The following CUEDC1 variants were observed in gnomAD, a reference collection of about 807,000 sequenced individuals.
CUEDC1 encodes the protein CUE domain-containing protein 1.
A neutral mutation model predicts 43.7 loss-of-function variants in CUEDC1; 30 were observed. The observed-to-expected ratio is 0.69, with a 90% CI of 0.51 to 0.93. The LOEUF is 0.93. Among genes scored for constraint, CUEDC1 ranks in the 40% least tolerant of loss-of-function variants. The pLI, the probability that CUEDC1 is intolerant of heterozygous loss-of-function variation, is 0.00. For synonymous variants in CUEDC1, 223 were observed against 223.6 expected (o/e 1.00, Z 0.02); for missense variants, 486 against 549.0 (o/e 0.89, Z 1.15).
chr17:57,952,929 C>A (rs930479055), intron 1 of CUEDC1, among the ~76,000 whole-genome samples: 2 of 152,088 alleles, frequency 1.3e-5, no homozygotes, highest in Admixed American at 1.3e-4. Context: ...CAGCCCAGGA[C>A]CCAGTGAGCC....
intron 1 of CUEDC1, among the ~76,000 whole-genome samples, chr17:57,926,902 G>A (rs906601094): frequency 1.3e-5 from 2 of 152,138 alleles, no homozygotes; most frequent in African/African-American, 2.4e-5. Flanking sequence ...GGACCAAAGC[G>A]GGAAAGGAAT....
In CUEDC1 at chr17:57,867,038, C is replaced by T. The variant is rs751873869; in HGVS notation, c.1093+319G>A. The T allele has an allele frequency of 2.9e-4, 130 of 455,640 alleles. 1 individual carries two copies. Among genetic ancestry groups the T allele is most frequent in the Non-Finnish European group, 4.1e-4 (102 of 247,010 alleles). The allele number at this position is 455,640 out of a possible 1,614,324, so 28.2% of individuals were successfully genotyped here. On this transcript the variant is annotated intron_variant, in intron 9 of 10. Transcript: ENST00000577830. Reference sequence around the variant, plus strand: ...GCTGCCCAGTGCTTGGTTCTCAGGCCGAGGGTCCCCCATGGGGGCAGGCCT... The same window carrying T: ...GCTGCCCAGTGCTTGGTTCTCAGGCTGAGGGTCCCCCATGGGGGCAGGCCT...
intron 1 of CUEDC1, among the ~76,000 whole-genome samples, chr17:57,938,567 T>C (rs2074883313): frequency 1.3e-5 from 2 of 152,260 alleles, no homozygotes; most frequent in Non-Finnish European, 1.5e-5. Context: ...TCAGTGTTCT[T>C]ACAGACATTA....
At chr17:57,901,990 A>G (rs2074476849) in intron 1 of CUEDC1, among the ~76,000 whole-genome samples, 1 of 152,176 alleles carries the variant, frequency 6.6e-6, no homozygotes, top group South Asian at 2.1e-4. Flanking sequence ...CCTGGACAAC[A>G]TGGTGAAACC....
chr17:57,935,573 G>A (rs1290769404), intron 1 of CUEDC1, among the ~76,000 whole-genome samples: 3 of 152,072 alleles, frequency 2.0e-5, no homozygotes, highest in African/African-American at 7.2e-5. Flanking sequence ...AGCCAGGCCC[G>A]CCCCATCCCC....
chr17:57,918,003 G>A (rs2074661333), intron 1 of CUEDC1, among the ~76,000 whole-genome samples: 1 of 151,318 alleles, frequency 6.6e-6, no homozygotes, highest in Non-Finnish European at 1.5e-5. Context: ...CATCGTTAGA[G>A]TGTGAGCCCC....
rs557897595 is a variant in CUEDC1 at position 57,938,252 on chromosome 17, T to C, written c.-316+16973A>G. ...ACACAGTTTCAAGTGTAGAAGCATC[T>C]GTATTTACGCAGGTGATAAATACAC... On this transcript the variant is annotated intron_variant, in intron 1 of 10. Coordinates refer to ENST00000577830, the MANE Select transcript of CUEDC1 (RefSeq NM_001271875.2). 3.9e-4 allele frequency among the ~76,000 whole-genome samples: 59 copies of C among 152,352 alleles called. 1 individual carries two copies. The highest frequency in any genetic ancestry group is 1.4e-3 in the African/African-American group (59 of 41,572).
At chr17:57,945,332 CT>C (rs1402471624) in intron 1 of CUEDC1, among the ~76,000 whole-genome samples, 14 of 152,312 alleles carry the variant, frequency 9.2e-5, no homozygotes, top group African/African-American at 3.4e-4. Flanking sequence ...TTCAGGAAAC[CT>C]TTAAACACTA....
At chr17:57,900,211 G>T (rs144444146) in intron 1 of CUEDC1, among the ~76,000 whole-genome samples, 3 of 152,306 alleles carry the variant, frequency 2.0e-5, no homozygotes, top group African/African-American at 7.2e-5. Context: ...TTCGCCTCCC[G>T]AGGGCCTCAA....
chr17:57,927,109 A>G (rs1598014400), intron 1 of CUEDC1, among the ~76,000 whole-genome samples: 1 of 152,180 alleles, frequency 6.6e-6, no homozygotes, highest in Non-Finnish European at 1.5e-5. Flanking sequence ...GTGGGGGCCA[A>G]TGTTTAGAAT....
intron 1 of CUEDC1, among the ~76,000 whole-genome samples, chr17:57,950,976 C>T (rs1330186871): frequency 3.3e-5 from 5 of 152,140 alleles, no homozygotes; most frequent in African/African-American, 9.7e-5. Flanking sequence ...GTTGGTTCCA[C>T]AGCAGGGCTA....
Position 57,866,514 on chromosome 17 carries a change from G to A in CUEDC1, c.1124C>T (p.Ala375Val). 6.2e-7 allele frequency: 1 copy of A among 1,614,204 alleles called. No homozygotes were observed. The highest frequency in any genetic ancestry group is 1.1e-5 in the South Asian group (1 of 91,084). Residue 375 changes from alanine (A) to valine (V), a missense_variant, in exon 10 of 11, where the codon GCA (alanine) becomes GTA (valine). By Grantham distance (64) the Ala-to-Val change is moderately conservative. Transcript: ENST00000577830. Reference sequence around the variant, plus strand: ...TCGCAGGCCTTCCTCCACCTTGGGTGCCTCCTGACGCCTGCCCCGGAAGTC... The same window carrying A: ...TCGCAGGCCTTCCTCCACCTTGGGTACCTCCTGACGCCTGCCCCGGAAGTC... The part of the protein sequence containing the change: ...DEDFRGRRQE[A>V]PKVEEGLREG...
At position 57,888,274 on chromosome 17, in the gene CUEDC1, T is replaced by C. The variant is rs199902451; in HGVS notation, c.-315-2395A>G. 7.2e-5 allele frequency among the ~76,000 whole-genome samples: 11 copies of C among 152,352 alleles called. No homozygotes were observed. The East Asian group carries it at 1.5e-3, about 21-fold the overall frequency. On this transcript the variant is annotated intron_variant, in intron 1 of 10. Transcript: ENST00000577830. ...AAATGTAATCAAACCATAAATCCTATGCAACTAGTTTTTTCCACATAATAA... is the reference window on the plus strand; with the variant it reads ...AAATGTAATCAAACCATAAATCCTACGCAACTAGTTTTTTCCACATAATAA...
chr17:57,869,196 G>C lies in CUEDC1; in HGVS notation c.869-3C>G. ...AGCGGGGTTGGCGTCGCCAGTTCCT[G>C]GAAGGAGACACCTGCTGAAGGCCGG... On this transcript the variant is annotated splice_polypyrimidine_tract_variant and splice_region_variant and intron_variant, in intron 6 of 10. Coordinates refer to ENST00000577830, the MANE Select transcript of CUEDC1 (RefSeq NM_001271875.2). The C allele has an allele frequency of 6.2e-7, 1 of 1,613,550 alleles. No homozygotes were observed. Among genetic ancestry groups the C allele is most frequent in the Non-Finnish European group, 8.5e-7 (1 of 1,179,772 alleles).
chr17:57,937,644 C>T lies in CUEDC1; in HGVS notation c.-316+17581G>A, dbSNP rs1251762253. On this transcript the variant is annotated intron_variant, in intron 1 of 10. Coordinates refer to ENST00000577830, the MANE Select transcript of CUEDC1 (RefSeq NM_001271875.2). ...AAAACAGAAAAAGAAAAAAATCTGC[C>T]TAGAGGCTGGGCACAGTGGCTCCTG... is the stretch of plus-strand genomic sequence containing the variant. Among the ~76,000 whole-genome samples, 5 of 151,764 alleles carry T rather than the reference C, an allele frequency of 3.3e-5. No individual in the cohort carries two copies. In the East Asian group the frequency reaches 9.7e-4, roughly 29 times the overall value.
chr17:57,948,919 T>C (rs926108405), intron 1 of CUEDC1, among the ~76,000 whole-genome samples: 4 of 152,164 alleles, frequency 2.6e-5, no homozygotes, highest in African/African-American at 9.7e-5. Context: ...CTGCAGGCAT[T>C]ACAAGAGGTG....
chr17:57,881,471 C>T lies in CUEDC1; in HGVS notation c.337-1733G>A, dbSNP rs183134651. On this transcript the variant is annotated intron_variant, in intron 2 of 10. Coordinates refer to ENST00000577830, the MANE Select transcript of CUEDC1 (RefSeq NM_001271875.2). ...CTGGTGCCTGGCACAGGACAGTGACCCAGCAGGTACCTGGTGCATTCTGAG... is the reference window on the plus strand; with the variant it reads ...CTGGTGCCTGGCACAGGACAGTGACTCAGCAGGTACCTGGTGCATTCTGAG... 4.2e-3 allele frequency among the ~76,000 whole-genome samples: 633 copies of T among 152,334 alleles called. 3 individuals carry two copies. The highest frequency in any genetic ancestry group is 0.015 in the African/African-American group (611 of 41,566).
At chr17:57,926,223 A>G (rs1239308303) in intron 1 of CUEDC1, among the ~76,000 whole-genome samples, 1 of 152,204 alleles carries the variant, frequency 6.6e-6, no homozygotes, top group African/African-American at 2.4e-5. Flanking sequence ...TGCCACTCAT[A>G]GCAAGGAGCT....
intron 1 of CUEDC1, among the ~76,000 whole-genome samples, chr17:57,944,232 C>T (rs1248557829): frequency 2.8e-4 from 39 of 136,880 alleles, no homozygotes; most frequent in African/African-American, 8.7e-4. Flanking sequence ...TTTTTTGAGA[C>T]GGAGCTTCGC....
Sources: allele counts gnomAD v4.1 joint callset (sites outside exome capture counted in the v4.1 genomes callset), GRCh38; gene constraint gnomAD v4.1.1; transcripts MANE v1.5; gene names NCBI Gene and HGNC (gene_info 2026-07-23, HGNC 2026-07-21).